KLHL3: variants seen among roughly 807,000 people sequenced by gnomAD.
The protein encoded by KLHL3 is kelch-like protein 3.
In KLHL3, 19 loss-of-function variants were observed where a neutral mutation model predicts 70.5. The observed-to-expected ratio is 0.27, with a 90% CI of 0.19 to 0.40. The LOEUF (loss-of-function observed/expected upper bound fraction) is 0.40. Among genes scored for constraint, KLHL3 ranks in the 10% least tolerant of loss-of-function variants. The pLI is 1.00. For synonymous variants in KLHL3, 258 were observed against 290.3 expected (o/e 0.89, Z 1.13); for missense variants, 512 against 771.1 (o/e 0.66, Z 3.98).
chr5:137,652,677 G>C (rs1751232501), intron 8 of KLHL3, among the ~76,000 whole-genome samples: 1 of 152,172 alleles, frequency 6.6e-6, no homozygotes, highest in Admixed American at 6.5e-5. Context: ...GGTTGGCTGG[G>C]AAGATGTTGA....
intron 6 of KLHL3, among the ~76,000 whole-genome samples, chr5:137,666,519 A>T (rs1376488289): frequency 6.6e-6 from 1 of 152,228 alleles, no homozygotes; most frequent in Non-Finnish European, 1.5e-5. Context: ...TTAAGCGGGT[A>T]GCATTTATTG....
At chr5:137,695,668 T>C (rs1486051592) in intron 4 of KLHL3, among the ~76,000 whole-genome samples, 2 of 152,180 alleles carry the variant, frequency 1.3e-5, no homozygotes, top group Non-Finnish European at 2.9e-5. Context: ...ATGAAATGAC[T>C]GTCTTCAGTT....
intron 14 of KLHL3, among the ~76,000 whole-genome samples, chr5:137,625,078 T>C (rs1267965684): frequency 6.7e-6 from 1 of 148,706 alleles, no homozygotes; most frequent in Non-Finnish European, 1.5e-5. Flanking sequence ...ATCCATAAAA[T>C]AGACGGATAG....
intron 8 of KLHL3, 116 bp from the exon 9 acceptor site, chr5:137,640,093 T>C: frequency 1.2e-6 from 1 of 829,754 alleles, no homozygotes; most frequent in South Asian, 1.5e-5. Context: ...AGATGCCAGT[T>C]TACAGAGCTA....
chr5:137,712,156 CAAAAAAAAAAA>C (rs201519598), intron 2 of KLHL3, among the ~76,000 whole-genome samples: 34,137 of 75,038 alleles, frequency 0.45, 4,855 homozygotes, highest in East Asian at 0.67. Context: ...AAGATTCTGT[CAAAAAAAAAAA>C]AAAAAAAAAA....
At chr5:137,709,919 A>C (rs1050052358) in intron 2 of KLHL3, 63 bp from the exon 3 acceptor site, 1 of 1,337,264 alleles carries the variant, frequency 7.5e-7, no homozygotes, top group African/African-American at 1.4e-5. Flanking sequence ...TCATCTTACA[A>C]GGGTATTTTT....
intron 3 of KLHL3, chr5:137,706,116 G>A: frequency 1.0e-6 from 1 of 985,352 alleles, no homozygotes; most frequent in Non-Finnish European, 1.2e-6. Flanking sequence ...ATTGGTATTT[G>A]GAACCACCTC....
At chr5:137,725,987 TTC>T in intron 1 of KLHL3, among the ~76,000 whole-genome samples, 1 of 152,312 alleles carries the variant, frequency 6.6e-6, no homozygotes, top group South Asian at 2.1e-4. Context: ...GGCTTTCAGC[TTC>T]TCTTTTCCCC....
intron 5 of KLHL3, among the ~76,000 whole-genome samples, chr5:137,681,465 T>C (rs6867049): frequency 0.011 from 1,702 of 152,190 alleles, 31 homozygotes; most frequent in African/African-American, 0.039. Flanking sequence ...ATTCAGAGCA[T>C]ATGTAAAGAA....
intron 8 of KLHL3, among the ~76,000 whole-genome samples, chr5:137,653,583 A>G (rs1187961001): frequency 4.6e-5 from 7 of 152,236 alleles, no homozygotes; most frequent in African/African-American, 2.4e-5. Flanking sequence ...AATGGCTACA[A>G]TTTTTAAAAA....
rs1471581498 is a variant in KLHL3 at position 137,619,449 on chromosome 5, C to T, written c.*2649G>A. The T allele has an allele frequency of 2.0e-5, 3 of 152,782 alleles. No homozygotes were observed. The highest frequency in any genetic ancestry group is 7.2e-5 in the African/African-American group (3 of 41,592). The allele number at this position is 152,782 out of a possible 1,614,324, so 9.5% of individuals were successfully genotyped here. On this transcript the variant is annotated 3_prime_UTR_variant, in exon 15 of 15. Coordinates refer to ENST00000309755, the MANE Select transcript of KLHL3 (RefSeq NM_017415.3). ...CTTGGGCCTCAATTCCATTTCACCA[C>T]CGCAATCAGATGACAGATATGCCAC...
At chr5:137,689,254 A>G (rs773791916) in intron 5 of KLHL3, among the ~76,000 whole-genome samples, 3 of 152,264 alleles carry the variant, frequency 2.0e-5, no homozygotes, top group Non-Finnish European at 1.5e-5. Context: ...TAATTCAGCT[A>G]CTGTGGAAAA....
chr5:137,638,880 G>T, intron 10 of KLHL3, 73 bp downstream of exon 10: 1 of 1,433,036 alleles, frequency 7.0e-7, no homozygotes, highest in Non-Finnish European at 9.6e-7. Flanking sequence ...GTCCAGAACT[G>T]GCTGAATAAA....
At position 137,637,405 on chromosome 5, in the gene KLHL3, A is replaced by G; in HGVS notation, c.1220-10T>C. On this transcript the variant is annotated splice_polypyrimidine_tract_variant and intron_variant, in intron 10 of 14. Coordinates refer to ENST00000309755, the MANE Select transcript of KLHL3 (RefSeq NM_017415.3). ...TCCACCGATGCTAGGCCTGGGAGAC[A>G]AGAGACTCATGAGACTTCCGTGGCA... is the stretch of plus-strand genomic sequence containing the variant. The G allele has an allele frequency of 6.2e-7, 1 of 1,612,632 alleles. No homozygotes were observed. The highest frequency in any genetic ancestry group is 8.5e-7 in the Non-Finnish European group (1 of 1,178,676).
At chr5:137,644,514 A>G (rs1209406635) in intron 8 of KLHL3, among the ~76,000 whole-genome samples, 1 of 152,196 alleles carries the variant, frequency 6.6e-6, no homozygotes, top group Non-Finnish European at 1.5e-5. Flanking sequence ...ATGCTGATTT[A>G]ATTTCCTTTG....
chr5:137,711,689 C>A (rs1195922784), intron 2 of KLHL3, among the ~76,000 whole-genome samples: 5 of 152,118 alleles, frequency 3.3e-5, no homozygotes, highest in Non-Finnish European at 5.9e-5. Flanking sequence ...AGACCATGGG[C>A]AAATAAGCTC....
rs1753142021 is a variant in KLHL3, at chr5:137,729,735, G to T, written c.14+5898C>A. ...GGATTTCTGAGCCCCTGGCACTCTG[G>T]TCAAACTGCAGATCTAGTAAGTATC... On this transcript the variant is annotated intron_variant, in intron 1 of 14. Transcript: ENST00000309755. 2.0e-5 allele frequency among the ~76,000 whole-genome samples: 3 copies of T among 152,110 alleles called. No homozygotes were observed. The South Asian group carries it at 6.2e-4, about 31-fold the overall frequency.
At chr5:137,658,307 C>G in intron 7 of KLHL3, 27 bp from the exon 8 acceptor site, 1 of 1,612,768 alleles carries the variant, frequency 6.2e-7, no homozygotes, top group East Asian at 2.2e-5. Context: ...ACAGATGATC[C>G]TGGAGCACAG....
chr5:137,710,375 T>G (rs1171469451), intron 2 of KLHL3, among the ~76,000 whole-genome samples: 1 of 152,164 alleles, frequency 6.6e-6, no homozygotes, highest in Non-Finnish European at 1.5e-5. Flanking sequence ...ATTTAACGCT[T>G]TCAACAAGAA....
Sources: allele counts gnomAD v4.1 joint callset (sites outside exome capture counted in the v4.1 genomes callset), GRCh38; gene constraint gnomAD v4.1.1; transcripts MANE v1.5; gene names NCBI Gene and HGNC (gene_info 2026-07-23, HGNC 2026-07-21).